Variants in PRKCA observed in about 807,000 individuals in gnomAD.
PRKCA encodes protein kinase C alpha type.
Under a neutral mutation model 87.0 loss-of-function variants are expected in PRKCA, and 27 were observed. That is an observed-to-expected ratio of 0.31 (90% confidence interval 0.23 to 0.43). The LOEUF (loss-of-function observed/expected upper bound fraction) is 0.43, where lower values mean the gene tolerates loss of function less well. Among genes scored for constraint, PRKCA ranks in the 20% least tolerant of loss-of-function variants. The pLI, the probability that PRKCA is intolerant of heterozygous loss-of-function variation, is 1.00. For synonymous variants in PRKCA, 329 were observed against 311.1 expected, an observed-to-expected ratio of 1.06 and a Z score of -0.61; for missense variants, 518 against 852.3, an observed-to-expected ratio of 0.61 and a Z score of 4.88.
At chr17:66,624,336 C>T (rs1174882895) in intron 3 of PRKCA, among the ~76,000 whole-genome samples, 1 of 152,100 alleles carries the variant, frequency 6.6e-6, no homozygotes, top group Non-Finnish European at 1.5e-5. Flanking sequence ...CCAGTTATCT[C>T]CAGACTCTGA....
intron 2 of PRKCA, among the ~76,000 whole-genome samples, chr17:66,420,002 CTT>C (rs558522698): frequency 3.5e-4 from 40 of 113,664 alleles, no homozygotes; most frequent in South Asian, 1.2e-3. Context: ...GGGTTGTGTT[CTT>C]TTTTTTTTTT....
chr17:66,330,400 C>A (rs1341048014), intron 2 of PRKCA, among the ~76,000 whole-genome samples: 1 of 152,182 alleles, frequency 6.6e-6, no homozygotes, highest in Non-Finnish European at 1.5e-5. Context: ...AGCCATCGCA[C>A]CTGGCCCCTG....
intron 2 of PRKCA, among the ~76,000 whole-genome samples, chr17:66,425,581 T>C (rs1912755811): frequency 6.6e-6 from 1 of 152,230 alleles, no homozygotes; most frequent in South Asian, 2.1e-4. Flanking sequence ...ATATTCATAA[T>C]ACCTGGTAGG....
rs567333890 is a variant in PRKCA, at chr17:66,437,720, C to CTTTTTTTTTTT, written c.206-58480_206-58470dup. ...CAACTGGGTAGTTGTTTCAAGTTTC[C>CTTTTTTTTTTT]TTTTTTTTTTTGAGCGGGGGGTGGG... is the stretch of plus-strand genomic sequence containing the variant. On this transcript the variant is annotated intron_variant, in intron 2 of 16. Coordinates refer to ENST00000413366, the MANE Select transcript of PRKCA (RefSeq NM_002737.3). Among the ~76,000 whole-genome samples, 11 of 32,834 alleles carry CTTTTTTTTTTT rather than the reference C, an allele frequency of 3.4e-4. 1 individual carries two copies. Among genetic ancestry groups the CTTTTTTTTTTT allele is most frequent in the Admixed American group, 6.1e-4 (1 of 1,634 alleles). The allele number at this position is 32,834 out of a possible 152,430, so 21.5% of individuals were successfully genotyped here.
chr17:66,560,607 T>G (rs1968648272), intron 3 of PRKCA, among the ~76,000 whole-genome samples: 1 of 152,202 alleles, frequency 6.6e-6, no homozygotes, highest in Non-Finnish European at 1.5e-5. Context: ...GGCCTCCATC[T>G]GATCACACTG....
At chr17:66,460,456 C>T (rs1914792885) in intron 2 of PRKCA, among the ~76,000 whole-genome samples, 1 of 152,126 alleles carries the variant, frequency 6.6e-6, no homozygotes, top group African/African-American at 2.4e-5. Flanking sequence ...GTAAGTCCAC[C>T]CCTTTCATCC....
intron 2 of PRKCA, among the ~76,000 whole-genome samples, chr17:66,446,888 G>A (rs1191591218): frequency 6.6e-6 from 1 of 152,178 alleles, no homozygotes; most frequent in Non-Finnish European, 1.5e-5. Flanking sequence ...GGTCAGGGCA[G>A]TTATTTTCTT....
intron 2 of PRKCA, among the ~76,000 whole-genome samples, chr17:66,334,372 G>T (rs8081291): frequency 0.01 from 1,560 of 152,246 alleles, 24 homozygotes; most frequent in African/African-American, 0.036. Context: ...TTAAGTGTGT[G>T]TGTGCTTATT....
In PRKCA at chr17:66,792,683, G is replaced by A. The variant is rs1179096754; in HGVS notation, c.1854+3704G>A. ...AGATCAAGATCTGCAGTACAGCTGT[G>A]GGCTGGATTCTGTATAAGGTCACAC... On this transcript the variant is annotated intron_variant, in intron 16 of 16. Transcript: ENST00000413366. The surrounding 1 kb of genome is among the most constrained non-coding windows in gnomAD (Gnocchi z 4.5). Among the ~76,000 whole-genome samples the A allele has an allele frequency of 6.6e-6, 1 of 152,258 alleles. No homozygotes were observed. Among genetic ancestry groups the A allele is most frequent in the African/African-American group, 2.4e-5 (1 of 41,474 alleles).
intron 8 of PRKCA, among the ~76,000 whole-genome samples, chr17:66,711,489 A>G (rs1021497872): frequency 5.9e-5 from 9 of 152,186 alleles, no homozygotes; most frequent in African/African-American, 1.7e-4. Flanking sequence ...TATGGAGGGG[A>G]ATTTTGCAAC....
intron 3 of PRKCA, among the ~76,000 whole-genome samples, chr17:66,584,891 G>A (rs1484614012): frequency 6.6e-6 from 1 of 152,112 alleles, no homozygotes; most frequent in Non-Finnish European, 1.5e-5. Context: ...GTTCGTCTGG[G>A]TTAATACCTG....
intron 8 of PRKCA, among the ~76,000 whole-genome samples, chr17:66,694,767 T>TAAAAAAAAAAAAAAAA (rs746908582): frequency 8.5e-6 from 1 of 117,520 alleles, no homozygotes; most frequent in Non-Finnish European, 1.7e-5. Context: ...TTCCAATGGT[T>TAAAAAAAAAAAAAAAA]AAAAAAAAAA....
At chr17:66,639,082 C>G (rs148690048) in intron 3 of PRKCA, among the ~76,000 whole-genome samples, 53 of 152,318 alleles carry the variant, frequency 3.5e-4, no homozygotes, top group African/African-American at 1.3e-3. Context: ...CAGTAGATCT[C>G]TGGATCTCCT....
At chr17:66,620,918 T>A (rs1970661401) in intron 3 of PRKCA, among the ~76,000 whole-genome samples, 1 of 152,208 alleles carries the variant, frequency 6.6e-6, no homozygotes, top group African/African-American at 2.4e-5. Flanking sequence ...ATAACTCAGC[T>A]CTGAAGTTCC....
At chr17:66,365,083 C>T (rs2143501213) in intron 2 of PRKCA, among the ~76,000 whole-genome samples, 1 of 152,318 alleles carries the variant, frequency 6.6e-6, no homozygotes, top group South Asian at 2.1e-4. Context: ...AAAAAGGGGA[C>T]TTCACATTGT....
chr17:66,357,360 T>C (rs570358311), intron 2 of PRKCA, among the ~76,000 whole-genome samples: 6 of 152,280 alleles, frequency 3.9e-5, no homozygotes, highest in South Asian at 4.1e-4. Context: ...GAGCTGTAGA[T>C]ACAAAGCCAG....
rs1175653734 is a variant in PRKCA, at chr17:66,587,864, TA to T, written c.289-53490del. Among the ~76,000 whole-genome samples, 12 of 39,836 alleles carry T rather than the reference TA, an allele frequency of 3.0e-4. 1 individual carries two copies. The highest frequency in any genetic ancestry group is 1.5e-3 in the African/African-American group (12 of 8,194). 26.1% of individuals were successfully genotyped at this position (39,836 alleles called of 152,430 possible). A position where few individuals can be genotyped will look rare whatever the true frequency, so the allele number is the denominator to read the frequency against. ...GTGTATCTACATATACATATATACA[TA>T]TGTATGTGTGTGTGTGTGTGTGTGT... On this transcript the variant is annotated intron_variant, in intron 3 of 16. Transcript: ENST00000413366.
intron 8 of PRKCA, among the ~76,000 whole-genome samples, chr17:66,700,283 T>G (rs1201677466): frequency 6.6e-6 from 1 of 152,146 alleles, no homozygotes; most frequent in East Asian, 1.9e-4. Flanking sequence ...CTCAACAAAT[T>G]AGGTATAAAG....
chr17:66,347,319 T>C (rs1907440333), intron 2 of PRKCA, among the ~76,000 whole-genome samples: 1 of 152,192 alleles, frequency 6.6e-6, no homozygotes, highest in Non-Finnish European at 1.5e-5. Flanking sequence ...TGCTTCAATC[T>C]GTTGTGATAT....
Sources: allele counts gnomAD v4.1 joint callset (sites outside exome capture counted in the v4.1 genomes callset), GRCh38; gene constraint gnomAD v4.1.1; non-coding constraint Gnocchi (gnomAD v3.1); transcripts MANE v1.5; gene names NCBI Gene and HGNC (gene_info 2026-07-23, HGNC 2026-07-21).